Variants in PTCHD4 observed in about 807,000 individuals in gnomAD.
PTCHD4 encodes the protein patched domain containing 4, also known as patched domain-containing protein 4.
A neutral mutation model predicts 58.1 loss-of-function variants in PTCHD4; 33 were observed. The observed-to-expected ratio is 0.57, with a 90% CI of 0.43 to 0.76. PTCHD4 has a LOEUF of 0.76. Among genes scored for constraint, PTCHD4 ranks in the 30% least tolerant of loss-of-function variants. The pLI, the probability that PTCHD4 is intolerant of heterozygous loss-of-function variation, is 0.00. For missense variants in PTCHD4, 1,058 were observed against 1,027.1 expected (o/e 1.03, Z -0.41); for synonymous variants, 478 against 409.6 (o/e 1.17, Z -2.02).
chr6:47,935,396 C>CA (rs142001136), intron 4 of PTCHD4, among the ~76,000 whole-genome samples: 2,761 of 152,218 alleles, frequency 0.018, 46 homozygotes, highest in South Asian at 0.038. Flanking sequence ...GGGCACTTTG[C>CA]ATTGTTCAGA....
chr6:48,013,225 G>A (rs1762747242), intron 3 of PTCHD4, among the ~76,000 whole-genome samples: 1 of 151,948 alleles, frequency 6.6e-6, no homozygotes, highest in African/African-American at 2.4e-5. Context: ...GTTGTTGTTG[G>A]TAGGCTCTTA....
At chr6:47,963,049 A>G (rs1327714070) in intron 4 of PTCHD4, among the ~76,000 whole-genome samples, 2 of 152,012 alleles carry the variant, frequency 1.3e-5, no homozygotes, top group African/African-American at 4.8e-5. Flanking sequence ...GAATTGCTTG[A>G]ACCCGGGAGG....
intron 3 of PTCHD4, among the ~76,000 whole-genome samples, chr6:48,050,534 TTAAC>T (rs1764194711): frequency 6.6e-6 from 1 of 152,040 alleles, no homozygotes; most frequent in African/African-American, 2.4e-5. Context: ...AACAAGTTAC[TTAAC>T]TATCTGTGCC....
intron 1 of PTCHD4, among the ~76,000 whole-genome samples, chr6:48,102,432 C>T (rs953557535): frequency 6.6e-6 from 1 of 152,198 alleles, no homozygotes; most frequent in Non-Finnish European, 1.5e-5. Flanking sequence ...TAACCTCATC[C>T]TATTATATAA....
At chr6:48,028,857 C>T (rs546671425) in intron 3 of PTCHD4, among the ~76,000 whole-genome samples, 1 of 152,098 alleles carries the variant, frequency 6.6e-6, no homozygotes, top group South Asian at 2.1e-4. Context: ...TTACCTCAAA[C>T]TAACTTTGAG....
rs895893883 is a variant in PTCHD4, at chr6:47,862,306, A to T, written c.*15997T>A. 3.3e-5 allele frequency among the ~76,000 whole-genome samples: 5 copies of T among 151,504 alleles called. No individual in the cohort carries two copies. The highest frequency in any genetic ancestry group is 1.2e-4 in the African/African-American group (5 of 41,308). On this transcript the variant is annotated 3_prime_UTR_variant, in exon 5 of 5. Transcript: ENST00000339488. ...AGTAGCTGTGCTGTTGGGACCAAAG[A>T]TCTACTTACAACCATTTTCAACACA... is the stretch of plus-strand genomic sequence containing the variant.
intron 4 of PTCHD4, among the ~76,000 whole-genome samples, chr6:47,958,779 A>T (rs1242175431): frequency 6.6e-6 from 1 of 152,200 alleles, no homozygotes; most frequent in East Asian, 1.9e-4. Flanking sequence ...CCTGGTGTTC[A>T]AACAGGGCAT....
At chr6:47,923,057 C>G (rs1264798388) in intron 4 of PTCHD4, among the ~76,000 whole-genome samples, 4 of 152,090 alleles carry the variant, frequency 2.6e-5, no homozygotes, top group Non-Finnish European at 5.9e-5. Context: ...GTCTTACTGA[C>G]TAGTGCTGGA....
intron 3 of PTCHD4, among the ~76,000 whole-genome samples, chr6:48,061,438 C>A (rs112141668): frequency 2.6e-5 from 4 of 152,272 alleles, no homozygotes; most frequent in African/African-American, 9.6e-5. Flanking sequence ...ACCATATTTT[C>A]TTATGGCATA....
intron 4 of PTCHD4, among the ~76,000 whole-genome samples, chr6:47,881,904 T>C (rs1453374125): frequency 1.3e-5 from 2 of 152,122 alleles, no homozygotes; most frequent in Non-Finnish European, 2.9e-5. Context: ...GTAGAAAGGT[T>C]CGTGTAAACT....
At chr6:47,981,520 AT>A (rs1256834284) in intron 4 of PTCHD4, among the ~76,000 whole-genome samples, 1 of 151,810 alleles carries the variant, frequency 6.6e-6, no homozygotes. Flanking sequence ...ATGCATTGAG[AT>A]TTTTTCTATT....
At chr6:47,927,781 CATT>C (rs916795215) in intron 4 of PTCHD4, among the ~76,000 whole-genome samples, 3 of 150,212 alleles carry the variant, frequency 2.0e-5, no homozygotes, top group Non-Finnish European at 4.4e-5. Flanking sequence ...TTTATTTTTT[CATT>C]ATTATTATTA....
In PTCHD4 at chr6:48,057,081, A is replaced by G. The variant is rs115905113; in HGVS notation, c.417+11149T>C. Among the ~76,000 whole-genome samples, 720 of 152,282 alleles carry G rather than the reference A, an allele frequency of 4.7e-3. 6 individuals carry two copies. The highest frequency in any genetic ancestry group is 0.016 in the African/African-American group (650 of 41,552). On this transcript the variant is annotated intron_variant, in intron 3 of 4. Coordinates refer to ENST00000339488, the MANE Select transcript of PTCHD4 (RefSeq NM_001384253.1). The stretch of plus-strand genomic sequence containing the variant: ...TTGGCAACCCATCAGGTGCCCAAGC[A>G]TATGCTCTCTGCAACCTTTCCTTAG...
intron 1 of PTCHD4, among the ~76,000 whole-genome samples, chr6:48,084,760 G>T (rs549593049): frequency 7.0e-6 from 1 of 143,170 alleles, no homozygotes; most frequent in Non-Finnish European, 1.5e-5. Context: ...TTGAGACAGA[G>T]TCTCGCTTGG....
intron 4 of PTCHD4, among the ~76,000 whole-genome samples, chr6:47,953,425 A>G (rs1334759054): frequency 6.6e-6 from 1 of 152,186 alleles, no homozygotes; most frequent in Non-Finnish European, 1.5e-5. Context: ...ACACATCAGT[A>G]TCCTACTTAG....
rs377603331 is a variant in PTCHD4, at chr6:48,010,913, C to A, written c.418-1799G>T. Among the ~76,000 whole-genome samples the A allele has an allele frequency of 6.8e-4, 103 of 152,210 alleles. 3 individuals carry two copies. In the South Asian group the frequency reaches 0.021, roughly 32 times the overall value. ...TTCATCCAAAGGACATGAACTCATC[C>A]ATTTTTATGGCTGCATAGTATTCCA... On this transcript the variant is annotated intron_variant, in intron 3 of 4. Coordinates refer to ENST00000339488, the MANE Select transcript of PTCHD4 (RefSeq NM_001384253.1).
intron 3 of PTCHD4, among the ~76,000 whole-genome samples, chr6:48,031,381 CGTTG>C (rs1334742479): frequency 6.6e-6 from 1 of 152,120 alleles, no homozygotes; most frequent in Non-Finnish European, 1.5e-5. Context: ...TTGTACTCAG[CGTTG>C]GGCCCAATCT....
rs184906694 is a variant in PTCHD4 at position 48,097,085 on chromosome 6, C to T, written c.-970+13964G>A. Among the ~76,000 whole-genome samples, 871 of 152,016 alleles carry T rather than the reference C, an allele frequency of 5.7e-3. 8 individuals carry two copies. The highest frequency in any genetic ancestry group is 0.019 in the African/African-American group (788 of 41,508). On this transcript the variant is annotated intron_variant, in intron 1 of 4. Transcript: ENST00000339488. ...ACTTAATTTAAACATTTAATATTAACGTATTACCATAGATCAAAAACTCTT... is the reference window on the plus strand; with the variant it reads ...ACTTAATTTAAACATTTAATATTAATGTATTACCATAGATCAAAAACTCTT...
intron 4 of PTCHD4, among the ~76,000 whole-genome samples, chr6:47,926,667 T>C (rs982197425): frequency 6.6e-6 from 1 of 152,196 alleles, no homozygotes; most frequent in African/African-American, 2.4e-5. Flanking sequence ...TAAGATACTA[T>C]TGTAAATGCA....
Sources: gnomAD v4.1 joint callset for allele counts (sites outside exome capture counted in the v4.1 genomes callset) on GRCh38, gnomAD v4.1.1 for gene constraint, MANE v1.5 for transcripts, NCBI Gene and HGNC (gene_info 2026-07-23, HGNC 2026-07-21) for gene names.